The following ITPR1 variants were observed in gnomAD, a reference collection of about 807,000 sequenced individuals.
ITPR1 encodes inositol 1,4,5-trisphosphate receptor type 1.
In ITPR1, 96 loss-of-function variants were observed where a neutral mutation model predicts 318.4. That is an observed-to-expected ratio of 0.30 (90% CI 0.26 to 0.36). ITPR1 has a LOEUF of 0.36. ITPR1 is among the 10% of genes least tolerant of loss of function. ITPR1 has a pLI of 1.00. For synonymous variants in ITPR1, 1,312 were observed against 1,289.9 expected (o/e 1.02, Z -0.37); for missense variants, 2,440 against 3,460.2 (o/e 0.71, Z 7.40).
chr3:4,500,399 G>T (rs773834268), intron 2 of ITPR1, among the ~76,000 whole-genome samples: 2 of 151,892 alleles, frequency 1.3e-5, no homozygotes, highest in African/African-American at 2.4e-5. Context: ...ACGGGATCTC[G>T]CCATGTTGTC....
At chr3:4,761,753 G>A (rs1431704352) in intron 44 of ITPR1, among the ~76,000 whole-genome samples, 1 of 152,220 alleles carries the variant, frequency 6.6e-6, no homozygotes, top group Non-Finnish European at 1.5e-5. Context: ...TGCTTCAGGA[G>A]CCTGGGGCGG....
intron 44 of ITPR1, among the ~76,000 whole-genome samples, chr3:4,747,310 A>G (rs1425588671): frequency 1.3e-5 from 2 of 152,178 alleles, no homozygotes; most frequent in Non-Finnish European, 2.9e-5. Flanking sequence ...ATGAGGAAAT[A>G]GAGGATCCGA....
At chr3:4,662,953 G>A (rs2093868565) in intron 15 of ITPR1, 112 bp from the exon 16 acceptor site, 2 of 822,186 alleles carry the variant, frequency 2.4e-6, no homozygotes, top group Non-Finnish European at 3.9e-6. Context: ...ATTGGAAAGT[G>A]TGGGTCTGCC....
At chr3:4,575,320 C>G (rs1191158238) in intron 4 of ITPR1, among the ~76,000 whole-genome samples, 1 of 152,178 alleles carries the variant, frequency 6.6e-6, no homozygotes, top group African/African-American at 2.4e-5. Flanking sequence ...TCATCTTTTC[C>G]TGGCTTCCTC....
chr3:4,688,765 A>G (rs914095381), intron 31 of ITPR1, 145 bp downstream of exon 31: 4 of 796,004 alleles, frequency 5.0e-6, no homozygotes, highest in Non-Finnish European at 7.8e-6. Context: ...TTCATCACTT[A>G]TCACGAGGAC....
At chr3:4,531,394 G>A (rs143847870) in intron 4 of ITPR1, among the ~76,000 whole-genome samples, 51 of 152,296 alleles carry the variant, frequency 3.3e-4, no homozygotes, top group Middle Eastern at 6.8e-3. Context: ...ACCTGTTTCT[G>A]TAATTCCACC....
chr3:4,679,586 T>A (rs1559678339), intron 24 of ITPR1, among the ~76,000 whole-genome samples: 1 of 152,194 alleles, frequency 6.6e-6, no homozygotes. Context: ...TGGTGCCCAC[T>A]CACACTGGGT....
chr3:4,689,261 G>A (rs2094444043), intron 31 of ITPR1, among the ~76,000 whole-genome samples: 1 of 152,168 alleles, frequency 6.6e-6, no homozygotes, highest in African/African-American at 2.4e-5. Flanking sequence ...GTTAGGCAAT[G>A]TCTGATTTTT....
Position 4,684,406 on chromosome 3 carries a change from T to A in ITPR1, c.3564+60T>A, listed in dbSNP as rs547190830. On this transcript the variant is annotated intron_variant, in intron 29 of 61. Transcript: ENST00000649015. ...TTATGAATTCTCTAAGGAGCTTTAG[T>A]TTGTGATAGTCAAGTTGAAGGTACA... The A allele has an allele frequency of 1.2e-5, 14 of 1,215,520 alleles. No homozygotes were observed. The East Asian group carries it at 3.4e-4, about 29-fold the overall frequency. 75.3% of individuals were successfully genotyped at this position (1,215,520 alleles called of 1,614,324 possible). A position where few individuals can be genotyped will look rare whatever the true frequency, so the allele number is the denominator to read the frequency against.
intron 3 of ITPR1, 37 bp from the exon 4 acceptor site, chr3:4,520,987 A>G (rs751830285): frequency 2.6e-6 from 4 of 1,518,832 alleles, no homozygotes; most frequent in Admixed American, 3.3e-5. Flanking sequence ...TTTCATTTTC[A>G]TACACTTGAC....
At chr3:4,594,743 C>T (rs76843144) in intron 4 of ITPR1, among the ~76,000 whole-genome samples, 1 of 151,178 alleles carries the variant, frequency 6.6e-6, no homozygotes, top group African/African-American at 2.4e-5. Flanking sequence ...TCATGGATAT[C>T]TGCAAGTGAG....
chr3:4,644,195 T>TA lies in ITPR1; in HGVS notation c.586dup (p.Ser196LysfsTer8). ...TCAATGCTGGTCAGCCCCTACATGC[T>TA]AGCAGCCATCAACTGGTAGATAACC... On this transcript the variant is annotated frameshift_variant, in exon 8 of 62. Transcript: ENST00000649015. LOFTEE classifies it high-confidence loss of function. The TA allele has an allele frequency of 6.2e-7, 1 of 1,611,146 alleles. No individual in the cohort carries two copies. The highest frequency in any genetic ancestry group is 1.1e-5 in the South Asian group (1 of 90,130).
At chr3:4,797,941 G>A (rs2047996775) in intron 53 of ITPR1, among the ~76,000 whole-genome samples, 2 of 152,122 alleles carry the variant, frequency 1.3e-5, no homozygotes, top group African/African-American at 2.4e-5. Flanking sequence ...TCCTGTAATA[G>A]CCTGCCCAAA....
intron 51 of ITPR1, among the ~76,000 whole-genome samples, chr3:4,787,332 C>G (rs1431755588): frequency 4.6e-5 from 4 of 86,948 alleles, no homozygotes; most frequent in Non-Finnish European, 9.2e-5. Context: ...AACGAGACTC[C>G]ATCTCAAAAA....
At chr3:4,654,299 C>A (rs2093657995) in intron 12 of ITPR1, among the ~76,000 whole-genome samples, 1 of 152,160 alleles carries the variant, frequency 6.6e-6, no homozygotes, top group Admixed American at 6.5e-5. Context: ...GATAGTGTTA[C>A]TGAGGCTATG....
chr3:4,778,071 A>C (rs1278262060), intron 48 of ITPR1, among the ~76,000 whole-genome samples: 2 of 152,162 alleles, frequency 1.3e-5, no homozygotes, highest in African/African-American at 4.8e-5. Flanking sequence ...TAGGTGCTAA[A>C]CCTGCAGCAT....
rs139421901 is a variant in ITPR1, at chr3:4,658,118, C to T, written c.997-6C>T. The stretch of plus-strand genomic sequence containing the variant: ...GGTTCTTGATTTGGTGACTTTACCT[C>T]CTCAGGTGGACCCTGATCAGGACGC... On this transcript the variant is annotated splice_polypyrimidine_tract_variant and splice_region_variant and intron_variant, in intron 12 of 61. Coordinates refer to ENST00000649015, the MANE Select transcript of ITPR1 (RefSeq NM_001378452.1). 115 of 1,607,028 alleles carry T rather than the reference C, an allele frequency of 7.2e-5. No homozygotes were observed. In the East Asian group the frequency reaches 1.8e-3, roughly 26 times the overall value.
chr3:4,587,254 G>T (rs1037165118), intron 4 of ITPR1, among the ~76,000 whole-genome samples: 3 of 150,628 alleles, frequency 2.0e-5, no homozygotes, highest in Admixed American at 2.0e-4. Flanking sequence ...TGATGCTGCT[G>T]GTTCACACTT....
intron 54 of ITPR1, among the ~76,000 whole-genome samples, chr3:4,801,346 C>T (rs1002172047): frequency 4.6e-5 from 7 of 152,154 alleles, no homozygotes; most frequent in Admixed American, 1.3e-4. Flanking sequence ...TATAGTAATT[C>T]AGTGCAACAG....
Sources: gnomAD v4.1 joint callset for allele counts (sites outside exome capture counted in the v4.1 genomes callset) on GRCh38, gnomAD v4.1.1 for gene constraint, MANE v1.5 for transcripts, NCBI Gene and HGNC (gene_info 2026-07-23, HGNC 2026-07-21) for gene names.